The following C4BPA variants were observed in gnomAD, a reference collection of about 807,000 sequenced individuals.
The protein encoded by C4BPA is C4b-binding protein alpha chain.
C4BPA carries 31 observed loss-of-function variants against 63.7 expected under a neutral mutation model. That is an observed-to-expected ratio of 0.49 (90% CI 0.37 to 0.66). C4BPA has a LOEUF of 0.66. C4BPA is among the 30% of genes least tolerant of loss of function. The probability of loss-of-function intolerance (pLI) is 0.00; values close to 1 mark genes in which losing one functional copy is unlikely to be tolerated. For missense variants in C4BPA, 572 were observed against 723.3 expected, an observed-to-expected ratio of 0.79 and a Z score of 2.40; for synonymous variants, 259 against 254.7, an observed-to-expected ratio of 1.02 and a Z score of -0.16.
chr1:207,130,523 A>G (rs1284639179), intron 7 of C4BPA, among the ~76,000 whole-genome samples: 3 of 152,232 alleles, frequency 2.0e-5, no homozygotes, highest in Non-Finnish European at 4.4e-5. Flanking sequence ...AGCATTATTC[A>G]TAATAGCCAA....
chr1:207,140,500 C>CTTT (rs79508731), intron 9 of C4BPA, among the ~76,000 whole-genome samples: 8 of 140,910 alleles, frequency 5.7e-5, no homozygotes, highest in African/African-American at 1.6e-4. Context: ...TGCTGCTCTG[C>CTTT]TTTTTTTTTT....
At chr1:207,110,419 C>T (rs1347642486) in intron 1 of C4BPA, among the ~76,000 whole-genome samples, 6 of 152,176 alleles carry the variant, frequency 3.9e-5, no homozygotes, top group Non-Finnish European at 8.8e-5. Flanking sequence ...AATGCCAGTA[C>T]TTGAAGGATC....
intron 3 of C4BPA, 47 bp from the exon 4 acceptor site, chr1:207,115,369 C>T (rs1394166045): frequency 1.0e-6 from 1 of 961,006 alleles, no homozygotes; most frequent in Non-Finnish European, 1.6e-6. Context: ...AATGCCATAT[C>T]TGTGAGTACT....
chr1:207,128,607 T>G (rs954264725), intron 7 of C4BPA, among the ~76,000 whole-genome samples: 4 of 152,116 alleles, frequency 2.6e-5, no homozygotes, highest in Non-Finnish European at 4.4e-5. Flanking sequence ...AAAGTCTCAA[T>G]GAGAAAGAGA....
At chr1:207,119,404 T>C (rs188156766) in intron 4 of C4BPA, among the ~76,000 whole-genome samples, 2 of 93,788 alleles carry the variant, frequency 2.1e-5, no homozygotes, top group African/African-American at 6.0e-5. Flanking sequence ...GTATGGAAGA[T>C]AATTCTGGGA....
At chr1:207,144,083 A>T in intron 11 of C4BPA, 90 bp downstream of exon 11, 1 of 906,322 alleles carries the variant, frequency 1.1e-6, no homozygotes, top group Non-Finnish European at 1.6e-6. Context: ...ACAATGGTGA[A>T]ATCTGACTTG....
intron 1 of C4BPA, among the ~76,000 whole-genome samples, chr1:207,112,656 C>T (rs1684693659): frequency 6.6e-6 from 1 of 152,162 alleles, no homozygotes; most frequent in Admixed American, 6.5e-5. Flanking sequence ...CTGTCCCTTC[C>T]CCATCTCAGA....
chr1:207,144,405 T>G, intron 11 of C4BPA, 139 bp from the exon 12 acceptor site: 1 of 657,650 alleles, frequency 1.5e-6, no homozygotes, highest in Non-Finnish European at 2.5e-6. Flanking sequence ...ACCCAAGTGA[T>G]TTCTTGTTTT....
chr1:207,121,229 A>T (rs1271262006), intron 4 of C4BPA, among the ~76,000 whole-genome samples: 1 of 152,204 alleles, frequency 6.6e-6, no homozygotes, highest in East Asian at 1.9e-4. Context: ...CCATTATAAA[A>T]TAATTTAATG....
intron 7 of C4BPA, 25 bp downstream of exon 7, chr1:207,126,920 T>C: frequency 6.3e-7 from 1 of 1,587,664 alleles, no homozygotes; most frequent in Non-Finnish European, 8.6e-7. Flanking sequence ...TGACAGAATT[T>C]CAATGTTTGG....
rs980510987 is a variant in C4BPA at position 207,106,904 on chromosome 1, GT to G, written c.-26+2483del. On this transcript the variant is annotated intron_variant, in intron 1 of 11. Transcript: ENST00000367070. ...GCGTGATAAAACTGACCTTGCAAATGTTTTTTTTTAACAAAGGAGTCACGGG... is the reference window on the plus strand; with the variant it reads ...GCGTGATAAAACTGACCTTGCAAATGTTTTTTTTAACAAAGGAGTCACGGG... Among the ~76,000 whole-genome samples, 5 of 151,554 alleles carry G rather than the reference GT, an allele frequency of 3.3e-5. No homozygotes were observed. The East Asian group carries it at 7.7e-4, about 23-fold the overall frequency.
chr1:207,117,424 C>G (rs1378190242), intron 4 of C4BPA, among the ~76,000 whole-genome samples: 1 of 152,168 alleles, frequency 6.6e-6, no homozygotes, highest in Non-Finnish European at 1.5e-5. Context: ...GCACTACAAC[C>G]TGGGTGACAG....
chr1:207,141,402 C>A, intron 10 of C4BPA, 126 bp downstream of exon 10: 1 of 663,766 alleles, frequency 1.5e-6, no homozygotes. Flanking sequence ...ATTAAATAAT[C>A]AATATATGCA....
chr1:207,117,011 G>A (rs1684808653), intron 4 of C4BPA, among the ~76,000 whole-genome samples: 1 of 152,090 alleles, frequency 6.6e-6, no homozygotes, highest in Admixed American at 6.6e-5. Flanking sequence ...AATAATTGAA[G>A]CTTTATAATA....
chr1:207,135,048 T>G (rs772934001), intron 9 of C4BPA, among the ~76,000 whole-genome samples: 1 of 152,032 alleles, frequency 6.6e-6, no homozygotes, highest in African/African-American at 2.4e-5. Flanking sequence ...TCCAAAAGGC[T>G]CAAGTGGGCC....
chr1:207,137,326 C>T (rs567641602), intron 9 of C4BPA, among the ~76,000 whole-genome samples: 8 of 152,314 alleles, frequency 5.3e-5, no homozygotes, highest in South Asian at 2.1e-4. Context: ...GTTAAGGACG[C>T]GCCTGCGACA....
chr1:207,110,531 T>C (rs1684647337), intron 1 of C4BPA, among the ~76,000 whole-genome samples: 3 of 152,204 alleles, frequency 2.0e-5, no homozygotes, highest in Admixed American at 2.0e-4. Flanking sequence ...GGCTTATGCC[T>C]GTAATCCCAG....
At chr1:207,117,577 G>C (rs1045557915) in intron 4 of C4BPA, among the ~76,000 whole-genome samples, 4 of 152,270 alleles carry the variant, frequency 2.6e-5, no homozygotes, top group African/African-American at 7.2e-5. Flanking sequence ...GTCTCCACCA[G>C]GCCTGAGAAT....
intron 6 of C4BPA, 152 bp from the exon 7 acceptor site, chr1:207,126,561 G>A (rs537959778): frequency 1.9e-6 from 1 of 513,318 alleles, no homozygotes; most frequent in East Asian, 3.1e-5. Context: ...TTGTGTATGT[G>A]TATTCACTTT....
Sources: gnomAD v4.1 joint callset for allele counts (sites outside exome capture counted in the v4.1 genomes callset) on GRCh38, gnomAD v4.1.1 for gene constraint, MANE v1.5 for transcripts, NCBI Gene and HGNC (gene_info 2026-07-23, HGNC 2026-07-21) for gene names.